Variants in TAFA5 observed in about 807,000 individuals in gnomAD.
TAFA5 encodes the protein TAFA chemokine like family member 5, also known as chemokine-like protein TAFA-5.
In TAFA5, 6 loss-of-function variants were observed where a neutral mutation model predicts 15.3. The ratio of observed to expected loss-of-function variants is 0.39; its 90% CI spans 0.21 to 0.77. The LOEUF (loss-of-function observed/expected upper bound fraction) is 0.77, where lower values mean the gene tolerates loss of function less well. TAFA5 is among the 30% of genes least tolerant of loss of function. TAFA5 has a pLI of 0.41. For synonymous variants in TAFA5, 103 were observed against 80.7 expected (o/e 1.28, Z -1.48); for missense variants, 161 against 193.1 (o/e 0.83, Z 0.98).
chr22:48,535,186 A>C (rs1487392717), intron 1 of TAFA5, among the ~76,000 whole-genome samples: 1 of 152,016 alleles, frequency 6.6e-6, no homozygotes, highest in Non-Finnish European at 1.5e-5. Context: ...GAACCTTTAT[A>C]CAGGTTTTTA....
intron 3 of TAFA5, among the ~76,000 whole-genome samples, chr22:48,735,867 ATCCCCCGCAG>A (rs1929998151): frequency 7.0e-6 from 1 of 142,390 alleles, no homozygotes; most frequent in Non-Finnish European, 1.5e-5. Flanking sequence ...CCTAGAGTCC[ATCCCCCGCAG>A]GAGGAATGAG....
chr22:48,617,916 A>G (rs1334437245), intron 1 of TAFA5, among the ~76,000 whole-genome samples: 1 of 151,796 alleles, frequency 6.6e-6, no homozygotes, highest in African/African-American at 2.4e-5. Context: ...TGTTCTGAGC[A>G]CTCTGTTCAT....
intron 3 of TAFA5, among the ~76,000 whole-genome samples, chr22:48,719,264 C>A (rs1158215334): frequency 1.3e-5 from 2 of 152,302 alleles, no homozygotes; most frequent in African/African-American, 4.8e-5. Flanking sequence ...CTGAAGAGAA[C>A]CGCCCCTCGG....
chr22:48,500,096 C>T (rs540078712), intron 1 of TAFA5, among the ~76,000 whole-genome samples: 1 of 152,194 alleles, frequency 6.6e-6, no homozygotes, highest in East Asian at 1.9e-4. Flanking sequence ...CCTCTTTGGG[C>T]CTCAGTTTTC....
In TAFA5 at chr22:48,638,758, G is replaced by A. The variant is rs558198863; in HGVS notation, c.113-7839G>A. ...CTAAGCCCTGGGACACCACACACAG[G>A]CGGGACCCCCCCCATCCCCCGACAC... On this transcript the variant is annotated intron_variant, in intron 1 of 3. Transcript: ENST00000402357. 4.8e-4 allele frequency among the ~76,000 whole-genome samples: 53 copies of A among 110,432 alleles called. 1 individual carries two copies. Among genetic ancestry groups the A allele is most frequent in the Admixed American group, 1.3e-3 (13 of 9,664 alleles). 72.4% of individuals were successfully genotyped at this position (110,432 alleles called of 152,430 possible). A position where few individuals can be genotyped will look rare whatever the true frequency, so the allele number is the denominator to read the frequency against.
At chr22:48,536,740 C>G (rs1922179863) in intron 1 of TAFA5, among the ~76,000 whole-genome samples, 1 of 152,218 alleles carries the variant, frequency 6.6e-6, no homozygotes, top group South Asian at 2.1e-4. Context: ...TGCAGCCACC[C>G]ATGGGCACAG....
chr22:48,540,684 G>T (rs1922337125), intron 1 of TAFA5, among the ~76,000 whole-genome samples: 1 of 149,046 alleles, frequency 6.7e-6, no homozygotes, highest in Admixed American at 6.7e-5. Context: ...TCAAGTTACT[G>T]TACTAAAATA....
intron 2 of TAFA5, among the ~76,000 whole-genome samples, chr22:48,689,875 G>T (rs1487627422): frequency 6.6e-6 from 1 of 152,182 alleles, no homozygotes; most frequent in Non-Finnish European, 1.5e-5. Flanking sequence ...GCCTGGCTGG[G>T]TGCTTCCCTC....
At chr22:48,649,614 T>C (rs2878989) in intron 2 of TAFA5, among the ~76,000 whole-genome samples, 76,114 of 152,012 alleles carry the variant, frequency 0.5, 19,343 homozygotes, top group South Asian at 0.57. Context: ...AGCTGGATCC[T>C]GGGGCGAGCT....
intron 3 of TAFA5, among the ~76,000 whole-genome samples, chr22:48,735,228 G>T (rs1344697849): frequency 2.0e-5 from 3 of 152,166 alleles, no homozygotes; most frequent in African/African-American, 7.2e-5. Context: ...GGGAGCTGGA[G>T]CCCCTGATCT....
At chr22:48,690,136 G>A (rs1269208844) in intron 2 of TAFA5, among the ~76,000 whole-genome samples, 5 of 152,042 alleles carry the variant, frequency 3.3e-5, no homozygotes, top group Admixed American at 6.5e-5. Flanking sequence ...CCTCCTGCAT[G>A]GAAAGATGCT....
At chr22:48,518,924 G>A (rs1448898059) in intron 1 of TAFA5, among the ~76,000 whole-genome samples, 1 of 152,184 alleles carries the variant, frequency 6.6e-6, no homozygotes, top group Non-Finnish European at 1.5e-5. Flanking sequence ...TCTTCCTGGG[G>A]TGACCAGGCG....
chr22:48,611,139 T>C (rs1343616797), intron 1 of TAFA5, among the ~76,000 whole-genome samples: 1 of 152,208 alleles, frequency 6.6e-6, no homozygotes, highest in East Asian at 1.9e-4. Flanking sequence ...TTCACCATGT[T>C]GGCCAGGCTG....
chr22:48,576,296 C>A lies in TAFA5; in HGVS notation c.113-70301C>A. 4 of 1,152,510 alleles carry A rather than the reference C, an allele frequency of 3.5e-6. 1 individual carries two copies. The highest frequency in any genetic ancestry group is 4.3e-6 in the Non-Finnish European group (4 of 930,850). 71.4% of individuals were successfully genotyped at this position (1,152,510 alleles called of 1,614,324 possible). Reference sequence around the variant, plus strand: ...CCCTCCCCCCGCCCGCTCCCCTCCCCCCTGCCCAGAAAGACACAAATCGCC... The same window carrying A: ...CCCTCCCCCCGCCCGCTCCCCTCCCACCTGCCCAGAAAGACACAAATCGCC... On this transcript the variant is annotated intron_variant, in intron 1 of 3. Coordinates refer to ENST00000402357, the MANE Select transcript of TAFA5 (RefSeq NM_001082967.3).
At chr22:48,727,064 A>T (rs1265399602) in intron 3 of TAFA5, among the ~76,000 whole-genome samples, 1 of 152,174 alleles carries the variant, frequency 6.6e-6, no homozygotes. Context: ...ACCTTTCCTG[A>T]ACAAGTGAGG....
chr22:48,607,987 C>T (rs1441910779), intron 1 of TAFA5, among the ~76,000 whole-genome samples: 1 of 132,096 alleles, frequency 7.6e-6, no homozygotes, highest in Non-Finnish European at 1.7e-5. Context: ...CCGGGCCCAT[C>T]CCTCTCCAGG....
rs541018767 is a variant in TAFA5, at chr22:48,510,868, TC to T, written c.112+21166del. Among the ~76,000 whole-genome samples, 19 of 152,364 alleles carry T rather than the reference TC, an allele frequency of 1.2e-4. No homozygotes were observed. In the East Asian group the frequency reaches 3.7e-3, roughly 29 times the overall value. ...GCGCATTGCAGGCATTTGATAGACT[TC>T]CTTCCCACACTCAAAAGCACTTGAG... On this transcript the variant is annotated intron_variant, in intron 1 of 3. Coordinates refer to ENST00000402357, the MANE Select transcript of TAFA5 (RefSeq NM_001082967.3).
intron 2 of TAFA5, among the ~76,000 whole-genome samples, chr22:48,702,573 C>T (rs1304324301): frequency 6.8e-6 from 1 of 148,060 alleles, no homozygotes; most frequent in Non-Finnish European, 1.5e-5. Flanking sequence ...CTTTACCTGT[C>T]GTGTGCTCAG....
At chr22:48,670,310 A>G (rs1927761931) in intron 2 of TAFA5, among the ~76,000 whole-genome samples, 1 of 152,236 alleles carries the variant, frequency 6.6e-6, no homozygotes, top group Admixed American at 6.5e-5. Flanking sequence ...CCTCTGAAGA[A>G]GTCATTATGA....
Sources: gnomAD v4.1 joint callset for allele counts (sites outside exome capture counted in the v4.1 genomes callset) on GRCh38, gnomAD v4.1.1 for gene constraint, MANE v1.5 for transcripts, NCBI Gene and HGNC (gene_info 2026-07-23, HGNC 2026-07-21) for gene names.